Variants in ARHGEF12 observed in about 807,000 individuals in gnomAD.
ARHGEF12 encodes KMT2A/ARHGEF12 fusion protein.
A neutral mutation model predicts 211.2 loss-of-function variants in ARHGEF12; 66 were observed. The observed-to-expected ratio is 0.31, with a 90% CI of 0.26 to 0.38. ARHGEF12 has a LOEUF of 0.38. ARHGEF12 is among the 10% of genes least tolerant of loss of function. The pLI, the probability that ARHGEF12 is intolerant of heterozygous loss-of-function variation, is 1.00. For synonymous variants in ARHGEF12, 592 were observed against 638.4 expected (o/e 0.93, Z 1.09); for missense variants, 1,429 against 1,869.5 (o/e 0.76, Z 4.34).
intron 3 of ARHGEF12, chr11:120,408,517 T>C (rs1355609757): frequency 2.0e-5 from 3 of 152,168 alleles, no homozygotes; most frequent in African/African-American, 7.2e-5. Flanking sequence ...GAAACTGATA[T>C]ATATTTTTTG....
At chr11:120,463,869 G>A (rs781016787) in intron 27 of ARHGEF12, 1 of 152,122 alleles carries the variant, frequency 6.6e-6, no homozygotes, top group Non-Finnish European at 1.5e-5. Context: ...AAGATTATAT[G>A]GAAAACATCT....
rs764457839 is a variant in ARHGEF12, at chr11:120,484,522, T to C, written c.4624+15T>C. ...CAAGCACTCAGGTATGTAAAAGTTA[T>C]GAGTTCCAGACTCTAGACTAATCAT... is the stretch of plus-strand genomic sequence containing the variant. On this transcript the variant is annotated intron_variant, in intron 40 of 40. Coordinates refer to ENST00000397843, the MANE Select transcript of ARHGEF12 (RefSeq NM_015313.3). The C allele has an allele frequency of 3.3e-5, 53 of 1,607,856 alleles. No individual in the cohort carries two copies. Among genetic ancestry groups the C allele is most frequent in the Non-Finnish European group, 4.3e-5 (50 of 1,174,854 alleles).
chr11:120,427,881 G>A (rs951987527), intron 7 of ARHGEF12, among the ~76,000 whole-genome samples, 188 bp from the exon 8 acceptor site: 14 of 151,936 alleles, frequency 9.2e-5, no homozygotes, highest in Non-Finnish European at 2.1e-4. Flanking sequence ...GATTTTTAGG[G>A]CAGTCATAAA....
At chr11:120,342,515 GCCAAGCTGTATGCTTTCTGTTGAT>G (rs1242530917) in intron 1 of ARHGEF12, among the ~76,000 whole-genome samples, 2 of 152,104 alleles carry the variant, frequency 1.3e-5, no homozygotes, top group African/African-American at 4.8e-5. Flanking sequence ...TCTTTGCTTA[GCCAAGCTGTATGCTTTCTGTTGAT>G]CCATTGTCTA....
At chr11:120,426,647 G>T (rs1945353274) in intron 7 of ARHGEF12, among the ~76,000 whole-genome samples, 1 of 152,176 alleles carries the variant, frequency 6.6e-6, no homozygotes, top group Admixed American at 6.5e-5. Flanking sequence ...GCCTTAGAAA[G>T]TGTTTATATG....
chr11:120,343,321 T>C (rs2135245444), intron 1 of ARHGEF12, among the ~76,000 whole-genome samples: 1 of 152,346 alleles, frequency 6.6e-6, no homozygotes, highest in African/African-American at 2.4e-5. Context: ...TTGGTAATAC[T>C]AAAATTTGCA....
chr11:120,458,918 C>T (rs891090359), intron 25 of ARHGEF12: 2 of 226,744 alleles, frequency 8.8e-6, no homozygotes, highest in African/African-American at 4.5e-5. Context: ...TTATTGTAAA[C>T]AGCTGGATGT....
chr11:120,348,984 T>C (rs1565418648), intron 1 of ARHGEF12, among the ~76,000 whole-genome samples: 1 of 152,204 alleles, frequency 6.6e-6, no homozygotes, highest in African/African-American at 2.4e-5. Flanking sequence ...CACAAAAAAA[T>C]TCAAAATGAA....
At chr11:120,465,815 C>T (rs1381234397) in intron 28 of ARHGEF12, among the ~76,000 whole-genome samples, 35 of 152,014 alleles carry the variant, frequency 2.3e-4, no homozygotes, top group Non-Finnish European at 2.1e-4. Flanking sequence ...CTGGAAGGTA[C>T]AAAAATGACT....
chr11:120,387,571 A>G (rs1944077232), intron 1 of ARHGEF12, among the ~76,000 whole-genome samples: 1 of 152,106 alleles, frequency 6.6e-6, no homozygotes. Flanking sequence ...TAAGAATCTT[A>G]AAAAGAAGAA....
At chr11:120,445,232 A>G (rs1946008288) in intron 15 of ARHGEF12, among the ~76,000 whole-genome samples, 190 bp from the exon 16 acceptor site, 1 of 152,184 alleles carries the variant, frequency 6.6e-6, no homozygotes, top group African/African-American at 2.4e-5. Flanking sequence ...CCTCGGGAAA[A>G]GGGCTCATTT....
In ARHGEF12 at chr11:120,451,546, C is replaced by T. The variant is rs1946215189; in HGVS notation, c.1878C>T (p.His626=). 1 of 1,614,042 alleles carries T rather than the reference C, an allele frequency of 6.2e-7. No homozygotes were observed. Among genetic ancestry groups the T allele is most frequent in the South Asian group, 1.1e-5 (1 of 91,082 alleles). ...GRAMELQKAR[H]PKHLSTPSSV... is the part of the protein sequence containing the mutation. ...CCATGGAACTACAGAAGGCGCGCCA[C>T]CCTAAGCACTTATCCACACCCTCAT... Residue 626 remains histidine (H), a synonymous_variant, in exon 22 of 41, where the codon CAC becomes CAT. Coordinates refer to ENST00000397843, the MANE Select transcript of ARHGEF12 (RefSeq NM_015313.3).
chr11:120,405,417 T>TG lies in ARHGEF12; in HGVS notation c.33-700dup, dbSNP rs77810825. On this transcript the variant is annotated intron_variant, in intron 1 of 40. Coordinates refer to ENST00000397843, the MANE Select transcript of ARHGEF12 (RefSeq NM_015313.3). ...TAAAAGAGAGAGAACCAGGAGGAAATGCTGTAGTTCTTTCAGCTTATAGGA... is the reference window on the plus strand; with the variant it reads ...TAAAAGAGAGAGAACCAGGAGGAAATGGCTGTAGTTCTTTCAGCTTATAGGA... Among the ~76,000 whole-genome samples, 1,360 of 152,278 alleles carry TG rather than the reference T, an allele frequency of 8.9e-3. 90 individuals carry two copies. In the South Asian group the frequency reaches 0.16, roughly 18 times the overall value.
intron 1 of ARHGEF12, among the ~76,000 whole-genome samples, chr11:120,391,378 A>G (rs537562664): frequency 6.6e-6 from 1 of 152,286 alleles, no homozygotes; most frequent in South Asian, 2.1e-4. Flanking sequence ...AATCTGGCCA[A>G]TCACCATCCT....
At chr11:120,478,538 G>GCA (rs374956794) in intron 37 of ARHGEF12, 149 bp downstream of exon 37, 20 of 732,226 alleles carry the variant, frequency 2.7e-5, no homozygotes, top group African/African-American at 5.3e-5. Flanking sequence ...CATGCCACAG[G>GCA]CACACACACA....
At chr11:120,399,323 A>AAAAAAAAAAG in intron 1 of ARHGEF12, among the ~76,000 whole-genome samples, 1 of 67,620 alleles carries the variant, frequency 1.5e-5, no homozygotes. Flanking sequence ...ATTGTCTCCA[A>AAAAAAAAAAG]AAAAAAAAAA....
chr11:120,359,863 A>T (rs144692432), intron 1 of ARHGEF12, among the ~76,000 whole-genome samples: 3 of 152,348 alleles, frequency 2.0e-5, no homozygotes, highest in Non-Finnish European at 4.4e-5. Flanking sequence ...GAAAGTTGAA[A>T]GTAGAATGTA....
At chr11:120,457,661 G>T (rs1946403787) in intron 23 of ARHGEF12, 60 bp from the exon 24 acceptor site, 1 of 1,323,186 alleles carries the variant, frequency 7.6e-7, no homozygotes, top group Admixed American at 2.0e-5. Flanking sequence ...AGTATCTTTG[G>T]TATAAATGTA....
chr11:120,484,417 C>A lies in ARHGEF12; in HGVS notation c.4555-21C>A, dbSNP rs746978091. The A allele has an allele frequency of 2.9e-5, 46 of 1,608,328 alleles. No individual in the cohort carries two copies. In the African/African-American group the frequency reaches 5.9e-4, roughly 21 times the overall value. Reference sequence around the variant, plus strand: ...TGTTTCATTACGTTTGAATAAAAAACCTATGGGTTTTATTTCACAGAAGGT... The same window carrying A: ...TGTTTCATTACGTTTGAATAAAAAAACTATGGGTTTTATTTCACAGAAGGT... On this transcript the variant is annotated intron_variant, in intron 39 of 40. Transcript: ENST00000397843.
Sources: allele counts gnomAD v4.1 joint callset (sites outside exome capture counted in the v4.1 genomes callset), GRCh38; gene constraint gnomAD v4.1.1; transcripts MANE v1.5; gene names NCBI Gene and HGNC (gene_info 2026-07-23, HGNC 2026-07-21).